The following SEC24A variants were observed in gnomAD, a reference collection of about 807,000 sequenced individuals.
SEC24A encodes protein transport protein Sec24A.
A neutral mutation model predicts 129.4 loss-of-function variants in SEC24A; 93 were observed. The ratio of observed to expected loss-of-function variants is 0.72; its 90% CI spans 0.61 to 0.85. SEC24A has a LOEUF of 0.85. Ranked by LOEUF, SEC24A falls within the 40% of genes least tolerant of loss-of-function variation. The pLI is 0.00. For missense variants in SEC24A, 1,264 were observed against 1,307.4 expected (o/e 0.97, Z 0.51); for synonymous variants, 460 against 467.3 (o/e 0.98, Z 0.20).
chr5:134,682,309 CAA>C, intron 8 of SEC24A, 62 bp from the exon 9 acceptor site: 1 of 810,400 alleles, frequency 1.2e-6, no homozygotes. Context: ...AGAAAGTGGC[CAA>C]ATGCAAAATA....
chr5:134,692,851 C>A, intron 12 of SEC24A, 194 bp downstream of exon 12: 1 of 703,856 alleles, frequency 1.4e-6, no homozygotes, highest in South Asian at 1.7e-5. Flanking sequence ...TCTAATGAAG[C>A]AAGTTATTTG....
intron 1 of SEC24A, among the ~76,000 whole-genome samples, chr5:134,660,650 G>A (rs1044918429): frequency 3.3e-5 from 5 of 151,390 alleles, no homozygotes; most frequent in African/African-American, 1.2e-4. Context: ...TGACCTCCTG[G>A]GTTCAAGTAA....
Position 134,726,147 on chromosome 5 carries a change from A to G in SEC24A, c.*1053A>G, listed in dbSNP as rs906182213. On this transcript the variant is annotated 3_prime_UTR_variant, in exon 23 of 23. Coordinates refer to ENST00000398844, the MANE Select transcript of SEC24A (RefSeq NM_021982.3). ...TGGATATTAAGATTATACACATCCAACATATTAAAGTTATGAAAGAAACTT... is the reference window on the plus strand; with the variant it reads ...TGGATATTAAGATTATACACATCCAGCATATTAAAGTTATGAAAGAAACTT... 2 of 152,584 alleles carry G rather than the reference A, an allele frequency of 1.3e-5. No homozygotes were observed. The highest frequency in any genetic ancestry group is 2.9e-5 in the Non-Finnish European group (2 of 67,974). The allele number at this position is 152,584 out of a possible 1,614,324, so 9.5% of individuals were successfully genotyped here. A position where few individuals can be genotyped will look rare whatever the true frequency, so the allele number is the denominator to read the frequency against.
At chr5:134,672,453 G>A (rs992628373) in intron 4 of SEC24A, among the ~76,000 whole-genome samples, 1 of 152,024 alleles carries the variant, frequency 6.6e-6, no homozygotes, top group Non-Finnish European at 1.5e-5. Flanking sequence ...CTCCCAAAGT[G>A]CTGGGATTAT....
At chr5:134,667,345 C>G (rs1750695720) in intron 3 of SEC24A, among the ~76,000 whole-genome samples, 1 of 151,808 alleles carries the variant, frequency 6.6e-6, no homozygotes, top group Non-Finnish European at 1.5e-5. Context: ...AAATATTGAC[C>G]TTTTTCATTC....
At chr5:134,690,924 C>T (rs1166998114) in intron 11 of SEC24A, among the ~76,000 whole-genome samples, 2 of 150,906 alleles carry the variant, frequency 1.3e-5, no homozygotes, top group African/African-American at 4.9e-5. Context: ...CTCACTGGCT[C>T]ACTGCAGTCT....
rs1183782739 is a variant in SEC24A at position 134,726,234 on chromosome 5, A to C, written c.*1140A>C. On this transcript the variant is annotated 3_prime_UTR_variant, in exon 23 of 23. Coordinates refer to ENST00000398844, the MANE Select transcript of SEC24A (RefSeq NM_021982.3). ...TCAGCTAGAGAAATATTATAGTCAA[A>C]ACTATTGAGTGAATTTTGTTTACAA... The C allele has an allele frequency of 1.3e-5, 2 of 152,550 alleles. No individual in the cohort carries two copies. Among genetic ancestry groups the C allele is most frequent in the South Asian group, 2.1e-4 (1 of 4,834 alleles). 9.4% of individuals were successfully genotyped at this position (152,550 alleles called of 1,614,324 possible).
At chr5:134,715,913 G>A (rs1347631224) in intron 19 of SEC24A, among the ~76,000 whole-genome samples, 1 of 151,838 alleles carries the variant, frequency 6.6e-6, no homozygotes, top group Non-Finnish European at 1.5e-5. Flanking sequence ...GGGGAATGGG[G>A]GTTTTTTGTT....
intron 17 of SEC24A, among the ~76,000 whole-genome samples, chr5:134,707,948 A>G (rs1367253978): frequency 6.6e-6 from 1 of 151,892 alleles, no homozygotes; most frequent in Non-Finnish European, 1.5e-5. Flanking sequence ...TACTAAAAAT[A>G]CAAAAAAACA....
chr5:134,701,314 T>C (rs1752001129), intron 15 of SEC24A: 3 of 152,192 alleles, frequency 2.0e-5, no homozygotes, highest in African/African-American at 7.2e-5. Context: ...TTAAAGGGTA[T>C]ATTTGTTGGA....
At position 134,682,521 on chromosome 5, in the gene SEC24A, A is replaced by G. The variant is rs1006907854; in HGVS notation, c.1491+39A>G. 4 of 1,025,488 alleles carry G rather than the reference A, an allele frequency of 3.9e-6. No homozygotes were observed. The African/African-American group carries it at 4.8e-5, about 12-fold the overall frequency. The allele number at this position is 1,025,488 out of a possible 1,614,324, so 63.5% of individuals were successfully genotyped here. ...TTTTGATACAGTATACCCATTTTTTATTACCAGGTTTTAAGTAAAACAATA... is the reference window on the plus strand; with the variant it reads ...TTTTGATACAGTATACCCATTTTTTGTTACCAGGTTTTAAGTAAAACAATA... On this transcript the variant is annotated intron_variant, in intron 9 of 22. Coordinates refer to ENST00000398844, the MANE Select transcript of SEC24A (RefSeq NM_021982.3).
chr5:134,653,093 C>T (rs1750121107), intron 1 of SEC24A, among the ~76,000 whole-genome samples: 1 of 151,960 alleles, frequency 6.6e-6, no homozygotes, highest in Non-Finnish European at 1.5e-5. Context: ...TTATGAGCCA[C>T]TGTGCTCGGC....
At position 134,725,215 on chromosome 5, in the gene SEC24A, C is replaced by T. The variant is rs1337347295; in HGVS notation, c.*121C>T. The T allele has an allele frequency of 8.3e-6, 5 of 599,104 alleles. No individual in the cohort carries two copies. The highest frequency in any genetic ancestry group is 1.5e-5 in the Non-Finnish European group (5 of 340,504). 37.1% of individuals were successfully genotyped at this position (599,104 alleles called of 1,614,324 possible). Reference sequence around the variant, plus strand: ...ACTAATGTGATGATTGAGATGTTCTCACTGTGATTTCAACAACCTATAGCA... The same window carrying T: ...ACTAATGTGATGATTGAGATGTTCTTACTGTGATTTCAACAACCTATAGCA... On this transcript the variant is annotated 3_prime_UTR_variant, in exon 23 of 23. Coordinates refer to ENST00000398844, the MANE Select transcript of SEC24A (RefSeq NM_021982.3).
At chr5:134,722,844 G>A (rs1752662827) in intron 21 of SEC24A, among the ~76,000 whole-genome samples, 1 of 152,086 alleles carries the variant, frequency 6.6e-6, no homozygotes, top group Admixed American at 6.6e-5. Context: ...AAGATGATCA[G>A]GTGATTCATA....
intron 17 of SEC24A, among the ~76,000 whole-genome samples, chr5:134,707,822 C>CT (rs954654756): frequency 2.7e-5 from 4 of 150,798 alleles, no homozygotes; most frequent in Non-Finnish European, 3.0e-5. Context: ...TTCAATTATG[C>CT]TTTTTTTTTA....
chr5:134,715,397 T>G (rs1241090559), intron 19 of SEC24A: 5 of 382,640 alleles, frequency 1.3e-5, no homozygotes, highest in African/African-American at 8.4e-5. Context: ...ATGGAAAGAT[T>G]GTCAAATTGA....
intron 10 of SEC24A, 61 bp from the exon 11 acceptor site, chr5:134,688,120 T>A (rs1751510481): frequency 1.1e-6 from 1 of 912,284 alleles, no homozygotes. Flanking sequence ...TTAGGACATA[T>A]TTTATGTGTA....
chr5:134,713,025 G>A (rs1327663082), intron 18 of SEC24A, among the ~76,000 whole-genome samples: 1 of 139,122 alleles, frequency 7.2e-6, no homozygotes, highest in Non-Finnish European at 1.5e-5. Context: ...TCCGCCTCCC[G>A]GGTTCACGCC....
chr5:134,692,588 ATTTCTTCTTTCAGATGTT>A lies in SEC24A; in HGVS notation c.1724-10_1731del. The A allele has an allele frequency of 8.4e-7, 1 of 1,183,472 alleles. No homozygotes were observed. Among genetic ancestry groups the A allele is most frequent in the Non-Finnish European group, 1.2e-6 (1 of 805,860 alleles). The allele number at this position is 1,183,472 out of a possible 1,614,324, so 73.3% of individuals were successfully genotyped here. ...TACATTTTGTTTAAAATAAATATGT[ATTTCTTCTTTCAGATGTT>A]TTTATACCTATGCCAGAGAACTTAT... On this transcript the variant is annotated splice_acceptor_variant and splice_polypyrimidine_tract_variant and coding_sequence_variant and intron_variant, in exon 12 of 23. Transcript: ENST00000398844. LOFTEE classifies it high-confidence loss of function.
Sources: allele counts gnomAD v4.1 joint callset (sites outside exome capture counted in the v4.1 genomes callset), GRCh38; gene constraint gnomAD v4.1.1; transcripts MANE v1.5; gene names NCBI Gene and HGNC (gene_info 2026-07-23, HGNC 2026-07-21).